The following ATP11B variants were observed in gnomAD, a reference collection of about 807,000 sequenced individuals.
ATP11B encodes the protein phospholipid-transporting ATPase IF.
In ATP11B, 81 loss-of-function variants were observed where a neutral mutation model predicts 157.8. That is an observed-to-expected ratio of 0.51 (90% CI 0.43 to 0.62). The LOEUF (loss-of-function observed/expected upper bound fraction) is 0.62. ATP11B is among the 20% of genes least tolerant of loss of function. The probability of loss-of-function intolerance (pLI) is 0.00; values close to 1 mark genes in which losing one functional copy is unlikely to be tolerated. For synonymous variants in ATP11B, 451 were observed against 469.4 expected, an observed-to-expected ratio of 0.96 and a Z score of 0.51; for missense variants, 1,165 against 1,402.2, an observed-to-expected ratio of 0.83 and a Z score of 2.70.
chr3:182,904,080 T>C (rs1219743837), intron 28 of ATP11B, among the ~76,000 whole-genome samples: 2 of 152,202 alleles, frequency 1.3e-5, no homozygotes. Flanking sequence ...ATGTTCTTTC[T>C]GCAAGCCACT....
chr3:182,917,029 C>T (rs1225165381), intron 29 of ATP11B: 14 of 985,206 alleles, frequency 1.4e-5, no homozygotes, highest in Non-Finnish European at 1.7e-5. Flanking sequence ...CCTTCCCTAA[C>T]CTAAGGTAGA....
At chr3:182,860,338 A>C (rs1429465835) in intron 12 of ATP11B, among the ~76,000 whole-genome samples, 1 of 152,194 alleles carries the variant, frequency 6.6e-6, no homozygotes, top group Non-Finnish European at 1.5e-5. Context: ...TCTAGCCTCC[A>C]GTGTTGCTGT....
At position 182,877,539 on chromosome 3, in the gene ATP11B, G is replaced by A. The variant is rs754071960; in HGVS notation, c.2253-1957G>A. Among the ~76,000 whole-genome samples, 5 of 152,298 alleles carry A rather than the reference G, an allele frequency of 3.3e-5. No individual in the cohort carries two copies. In the East Asian group the frequency reaches 7.7e-4, roughly 23 times the overall value. On this transcript the variant is annotated intron_variant, in intron 19 of 29. Coordinates refer to ENST00000323116, the MANE Select transcript of ATP11B (RefSeq NM_014616.3). ...TACCTGCAGTCCCAGCGTCTTGGGA[G>A]GCTGAGGTGGGAGGATGTATTGAAT... is the stretch of plus-strand genomic sequence containing the variant.
At chr3:182,828,242 A>G (rs1289682040) in intron 3 of ATP11B, 33 bp downstream of exon 3, 2 of 1,019,426 alleles carry the variant, frequency 2.0e-6, no homozygotes, top group Non-Finnish European at 2.9e-6. Flanking sequence ...AAGTTTGTAA[A>G]CATAGTTTCT....
chr3:182,845,009 T>TTTTTTTTTTTTTTTTTTTTTTTTTTA (rs1560081876), intron 8 of ATP11B, among the ~76,000 whole-genome samples: 3 of 112,086 alleles, frequency 2.7e-5, no homozygotes, highest in Non-Finnish European at 5.2e-5. Context: ...TTTTTTTATT[T>TTTTTTTTTTTTTTTTTTTTTTTTTTA]TTTTTTATTT....
chr3:182,919,295 T>A lies in ATP11B; in HGVS notation c.*1191T>A, dbSNP rs1435576033. On this transcript the variant is annotated 3_prime_UTR_variant, in exon 30 of 30. Coordinates refer to ENST00000323116, the MANE Select transcript of ATP11B (RefSeq NM_014616.3). The stretch of plus-strand genomic sequence containing the variant: ...CCAGTGTCCCAGTACAAGGCATATT[T>A]CAGGTGTGGCTGTGGAATGTAAAAA... 1.3e-5 allele frequency: 2 copies of A among 152,608 alleles called. No individual in the cohort carries two copies. The highest frequency in any genetic ancestry group is 2.9e-5 in the Non-Finnish European group (2 of 68,016). 9.5% of individuals were successfully genotyped at this position (152,608 alleles called of 1,614,324 possible).
rs1377166805 is a variant in ATP11B, at chr3:182,827,973, T to TC, written c.145-147_145-146insC. The TC allele has an allele frequency of 1.9e-5, 7 of 361,444 alleles. No homozygotes were observed. In the Admixed American group the frequency reaches 2.3e-4, roughly 12 times the overall value. 22.4% of individuals were successfully genotyped at this position (361,444 alleles called of 1,614,324 possible). The stretch of plus-strand genomic sequence containing the variant: ...GAAGTAGAATAAAAGTCCTGAACTC[T>TC]AAAAGCCAGATGGTTTCTGTAGCAT... On this transcript the variant is annotated intron_variant, in intron 2 of 29. Coordinates refer to ENST00000323116, the MANE Select transcript of ATP11B (RefSeq NM_014616.3).
At chr3:182,901,293 G>A (rs1267339208) in intron 28 of ATP11B, among the ~76,000 whole-genome samples, 1 of 148,376 alleles carries the variant, frequency 6.7e-6, no homozygotes, top group African/African-American at 2.5e-5. Flanking sequence ...AATCTGGGGG[G>A]CAGAGGTTGC....
In ATP11B at chr3:182,867,448, AT is replaced by A. The variant is rs762300397; in HGVS notation, c.1688+12del. ...AAACTCTTGGAAAACTGGAACGGTA[AT>A]TTTTTTTCATATATTGGAATGTTTT... On this transcript the variant is annotated splice_donor_5th_base_variant and intron_variant, in intron 15 of 29. Coordinates refer to ENST00000323116, the MANE Select transcript of ATP11B (RefSeq NM_014616.3). The A allele has an allele frequency of 2.3e-5, 36 of 1,582,300 alleles. No homozygotes were observed. Among genetic ancestry groups the A allele is most frequent in the Admixed American group, 5.0e-5 (3 of 59,882 alleles).
At chr3:182,800,910 C>G (rs1715967071) in intron 1 of ATP11B, among the ~76,000 whole-genome samples, 2 of 137,580 alleles carry the variant, frequency 1.5e-5, no homozygotes, top group Admixed American at 1.4e-4. Context: ...GGTGATTCTC[C>G]TGCCTCAGCC....
In ATP11B at chr3:182,920,325, C is replaced by G. The variant is rs765280662; in HGVS notation, c.*2221C>G. On this transcript the variant is annotated 3_prime_UTR_variant, in exon 30 of 30. Coordinates refer to ENST00000323116, the MANE Select transcript of ATP11B (RefSeq NM_014616.3). ...ATCCTGAACTGTTACTCCAAATCCA[C>G]TCCGTTTTTAAAGCAAAATTATCTT... The G allele has an allele frequency of 7.9e-5, 12 of 152,162 alleles. No individual in the cohort carries two copies. The highest frequency in any genetic ancestry group is 2.1e-4 in the South Asian group (1 of 4,836). The allele number at this position is 152,162 out of a possible 1,614,324, so 9.4% of individuals were successfully genotyped here.
rs199663572 is a variant in ATP11B at position 182,834,183 on chromosome 3, G to T, written c.316-1852G>T. On this transcript the variant is annotated intron_variant, in intron 4 of 29. Transcript: ENST00000323116. ...TTGACAGTTTCAGAAAAAATATTTT[G>T]ACTTTCAATTAAATTTCTCTAAAAT... Among the ~76,000 whole-genome samples, 8 of 152,140 alleles carry T rather than the reference G, an allele frequency of 5.3e-5. No homozygotes were observed. In the East Asian group the frequency reaches 1.5e-3, roughly 29 times the overall value.
intron 25 of ATP11B, among the ~76,000 whole-genome samples, chr3:182,893,652 T>G (rs889700961): frequency 6.6e-6 from 1 of 152,204 alleles, no homozygotes; most frequent in Admixed American, 6.5e-5. Flanking sequence ...GCTATAAACA[T>G]GGGTGTGCAA....
chr3:182,885,355 A>G (rs1577075828), intron 22 of ATP11B, among the ~76,000 whole-genome samples: 1 of 152,278 alleles, frequency 6.6e-6, no homozygotes, highest in South Asian at 2.1e-4. Flanking sequence ...GAGTTTGCAG[A>G]ACCCACATTA....
chr3:182,855,231 A>G (rs1472157842), intron 10 of ATP11B, among the ~76,000 whole-genome samples: 2 of 152,158 alleles, frequency 1.3e-5, no homozygotes, highest in African/African-American at 2.4e-5. Flanking sequence ...ACAATAGAGA[A>G]CCCCAGAACA....
chr3:182,898,897 G>T, intron 28 of ATP11B, 125 bp downstream of exon 28: 1 of 606,348 alleles, frequency 1.6e-6, no homozygotes, highest in Admixed American at 4.1e-5. Context: ...CAACTATTTT[G>T]TAACATAAAC....
intron 4 of ATP11B, chr3:182,830,008 GTA>G: frequency 1.1e-6 from 1 of 875,952 alleles, no homozygotes; most frequent in Non-Finnish European, 1.4e-6. Context: ...AACAAGTATT[GTA>G]TATGTATAAA....
chr3:182,901,900 A>T (rs1436744322), intron 28 of ATP11B, among the ~76,000 whole-genome samples: 3 of 152,208 alleles, frequency 2.0e-5, no homozygotes, highest in African/African-American at 7.2e-5. Flanking sequence ...TGTAAAAGCT[A>T]GTATAGTCTT....
At chr3:182,808,956 C>T in intron 1 of ATP11B, among the ~76,000 whole-genome samples, 1 of 152,058 alleles carries the variant, frequency 6.6e-6, no homozygotes. Flanking sequence ...GTTTCTCAGA[C>T]TTTAATTTAA....
Sources: allele counts gnomAD v4.1 joint callset (sites outside exome capture counted in the v4.1 genomes callset), GRCh38; gene constraint gnomAD v4.1.1; transcripts MANE v1.5; gene names NCBI Gene and HGNC (gene_info 2026-07-23, HGNC 2026-07-21).